The following ITGBL1 variants were observed in gnomAD, a reference collection of about 807,000 sequenced individuals.
ITGBL1 encodes integrin subunit beta like 1.
Under a neutral mutation model 68.5 loss-of-function variants are expected in ITGBL1, and 51 were observed. That is an observed-to-expected ratio of 0.74 (90% CI 0.59 to 0.94). The LOEUF (loss-of-function observed/expected upper bound fraction) is 0.94. Among genes scored for constraint, ITGBL1 ranks in the 40% least tolerant of loss-of-function variants. The pLI is 0.00. For synonymous variants in ITGBL1, 209 were observed against 227.3 expected (o/e 0.92, Z 0.72); for missense variants, 649 against 647.4 (o/e 1.00, Z -0.03).
intron 2 of ITGBL1, among the ~76,000 whole-genome samples, chr13:101,455,651 G>A (rs1056049337): frequency 3.9e-5 from 6 of 152,196 alleles, no homozygotes; most frequent in Admixed American, 2.0e-4. Flanking sequence ...GCAACAGAGC[G>A]AGACTTCATC....
chr13:101,629,466 T>C (rs995959371), intron 7 of ITGBL1, among the ~76,000 whole-genome samples: 12 of 152,132 alleles, frequency 7.9e-5, no homozygotes, highest in African/African-American at 1.9e-4. Flanking sequence ...TTTATCCTAA[T>C]GGTTACCTTA....
chr13:101,651,702 T>C (rs548136089), intron 7 of ITGBL1, among the ~76,000 whole-genome samples: 2 of 152,188 alleles, frequency 1.3e-5, no homozygotes, highest in Non-Finnish European at 1.5e-5. Flanking sequence ...ATTTTTGCTT[T>C]TGTTGCAATT....
rs116176595 is a variant in ITGBL1 at position 101,559,336 on chromosome 13, G to A, written c.317-8363G>A. ...GATTTTGCAGATGAAGGGAATCTTG[G>A]GGCTATTCAATCCAATCTCTTAATT... On this transcript the variant is annotated intron_variant, in intron 2 of 10. Coordinates refer to ENST00000376180, the MANE Select transcript of ITGBL1 (RefSeq NM_004791.3). Among the ~76,000 whole-genome samples, 574 of 152,194 alleles carry A rather than the reference G, an allele frequency of 3.8e-3. 6 individuals are homozygous for A. The highest frequency in any genetic ancestry group is 0.014 in the Middle Eastern group (4 of 294).
chr13:101,542,668 C>T (rs1223622697), intron 2 of ITGBL1, among the ~76,000 whole-genome samples: 1 of 152,072 alleles, frequency 6.6e-6, no homozygotes, highest in Admixed American at 6.6e-5. Context: ...TTAAAATCTC[C>T]CATTATTATT....
chr13:101,505,164 GA>G (rs2049007697), intron 2 of ITGBL1, among the ~76,000 whole-genome samples: 3 of 152,172 alleles, frequency 2.0e-5, no homozygotes, highest in African/African-American at 7.2e-5. Context: ...AAATGTATTT[GA>G]ATGAGATTTC....
intron 7 of ITGBL1, among the ~76,000 whole-genome samples, chr13:101,606,174 T>TATATATATA (rs1555361917): frequency 7.2e-6 from 1 of 138,044 alleles, no homozygotes; most frequent in African/African-American, 2.7e-5. Context: ...ATTAGGATTT[T>TATATATATA]TATATATATA....
chr13:101,665,749 C>A (rs1264732544), intron 7 of ITGBL1, among the ~76,000 whole-genome samples: 2 of 152,020 alleles, frequency 1.3e-5, no homozygotes, highest in Non-Finnish European at 2.9e-5. Context: ...TTTTGTCAAA[C>A]CCTTACAAAA....
intron 7 of ITGBL1, among the ~76,000 whole-genome samples, chr13:101,613,325 A>G (rs2031220243): frequency 6.6e-6 from 1 of 152,190 alleles, no homozygotes; most frequent in African/African-American, 2.4e-5. Flanking sequence ...CACCCAGTCA[A>G]CATATATTTA....
intron 7 of ITGBL1, among the ~76,000 whole-genome samples, chr13:101,611,536 G>A (rs1380617866): frequency 6.6e-6 from 1 of 152,152 alleles, no homozygotes; most frequent in Non-Finnish European, 1.5e-5. Flanking sequence ...TATTGGGTAT[G>A]TATATAGATG....
At chr13:101,708,660 A>G (rs1363835797) in intron 9 of ITGBL1, among the ~76,000 whole-genome samples, 1 of 152,204 alleles carries the variant, frequency 6.6e-6, no homozygotes, top group Non-Finnish European at 1.5e-5. Flanking sequence ...GCAGAACTTC[A>G]GACATCAAAG....
chr13:101,598,523 G>C (rs942949674), intron 7 of ITGBL1, among the ~76,000 whole-genome samples: 17 of 151,914 alleles, frequency 1.1e-4, no homozygotes, highest in Non-Finnish European at 1.8e-4. Context: ...CCATGATGAT[G>C]TGCTGCATGC....
chr13:101,472,514 A>G (rs2048476531), intron 2 of ITGBL1, among the ~76,000 whole-genome samples: 1 of 152,200 alleles, frequency 6.6e-6, no homozygotes, highest in African/African-American at 2.4e-5. Flanking sequence ...CTTCAAGAGT[A>G]TTGGAAGCAG....
intron 7 of ITGBL1, among the ~76,000 whole-genome samples, chr13:101,622,501 C>T (rs2031622606): frequency 6.6e-6 from 1 of 152,080 alleles, no homozygotes; most frequent in South Asian, 2.1e-4. Context: ...TCCAGCTAAA[C>T]CGGTGCGCAC....
chr13:101,672,366 GA>G (rs558130137), intron 7 of ITGBL1, among the ~76,000 whole-genome samples: 42 of 152,162 alleles, frequency 2.8e-4, no homozygotes, highest in Non-Finnish European at 3.1e-4. Flanking sequence ...TCCTTTTAAT[GA>G]AAAGCAGCCC....
At chr13:101,483,224 T>C (rs920834644) in intron 2 of ITGBL1, among the ~76,000 whole-genome samples, 21 of 152,166 alleles carry the variant, frequency 1.4e-4, no homozygotes, top group Non-Finnish European at 1.3e-4. Context: ...TTGATGTTCC[T>C]GGGTAGCCTG....
intron 7 of ITGBL1, among the ~76,000 whole-genome samples, chr13:101,605,052 GTA>G (rs1451893978): frequency 1.3e-3 from 154 of 118,742 alleles, no homozygotes; most frequent in Middle Eastern, 4.1e-3. Context: ...GCATATATGT[GTA>G]TATGTGTATA....
intron 7 of ITGBL1, among the ~76,000 whole-genome samples, chr13:101,684,866 T>G (rs1352866379): frequency 6.6e-6 from 1 of 151,966 alleles, no homozygotes; most frequent in Non-Finnish European, 1.5e-5. Flanking sequence ...TTTTCTCTCT[T>G]CCTCTTTCTT....
At chr13:101,622,980 G>A (rs1020665545) in intron 7 of ITGBL1, among the ~76,000 whole-genome samples, 4 of 150,580 alleles carry the variant, frequency 2.7e-5, no homozygotes, top group African/African-American at 7.3e-5. Flanking sequence ...AAAGACAATT[G>A]CAGATAATAT....
At chr13:101,535,275 C>A (rs900114171) in intron 2 of ITGBL1, among the ~76,000 whole-genome samples, 2 of 152,018 alleles carry the variant, frequency 1.3e-5, no homozygotes, top group African/African-American at 4.8e-5. Flanking sequence ...CCTACTCCAG[C>A]AGAAGACTAG....
Sources: allele counts gnomAD v4.1 joint callset (sites outside exome capture counted in the v4.1 genomes callset), GRCh38; gene constraint gnomAD v4.1.1; transcripts MANE v1.5; gene names NCBI Gene and HGNC (gene_info 2026-07-23, HGNC 2026-07-21).